Variants in HBS1L observed in about 807,000 individuals in gnomAD.
HBS1L encodes HBS1-like protein.
In HBS1L, 55 loss-of-function variants were observed where a neutral mutation model predicts 88.9. The ratio of observed to expected loss-of-function variants is 0.62; its 90% CI spans 0.50 to 0.77. The LOEUF is 0.77. HBS1L is among the 30% of genes least tolerant of loss of function. The pLI, the probability that HBS1L is intolerant of heterozygous loss-of-function variation, is 0.00. For missense variants in HBS1L, 741 were observed against 829.3 expected, an observed-to-expected ratio of 0.89 and a Z score of 1.31; for synonymous variants, 267 against 288.5, an observed-to-expected ratio of 0.93 and a Z score of 0.76.
At chr6:134,969,415 T>G (rs1774417881) in intron 15 of HBS1L, 77 bp from the exon 16 acceptor site, 1 of 858,802 alleles carries the variant, frequency 1.2e-6, no homozygotes, top group Non-Finnish European at 2.0e-6. Flanking sequence ...TTATACTTAA[T>G]TATCTTCAAT....
At chr6:134,975,158 A>T (rs949830747) in intron 15 of HBS1L, among the ~76,000 whole-genome samples, 1 of 152,268 alleles carries the variant, frequency 6.6e-6, no homozygotes, top group East Asian at 1.9e-4. Context: ...CCCTTTTACA[A>T]TAGCTACAAA....
At position 134,993,771 on chromosome 6, in the gene HBS1L, G is replaced by A. The variant is rs371020051; in HGVS notation, c.1070C>T (p.Thr357Ile). Reference protein sequence around the residue: ...GHKDFIPNMITGAAQADVAVL... With the variant: ...GHKDFIPNMIIGAAQADVAVL... ...AACAGCAGTTACCTGGGCTGCTCCT[G>A]TAATCATATTTGGAATGAAGTCCTT... The change falls in exon 8 of 18, where the codon ACA becomes ATA. Residue 357 changes from threonine (T) to isoleucine (I), a missense_variant. By Grantham distance (89) the Thr-to-Ile change is moderately conservative (BLOSUM62 -1). Around this residue, in one of 3 missense-constraint regions of HBS1L, gnomAD observed 556 missense variants for 598.4 expected, o/e 0.93. Coordinates refer to ENST00000367837, the MANE Select transcript of HBS1L (RefSeq NM_006620.4). 8.3e-6 allele frequency: 13 copies of A among 1,566,198 alleles called. No individual in the cohort carries two copies. The African/African-American group carries it at 1.5e-4, about 18-fold the overall frequency.
rs575740077 is a variant in HBS1L at position 135,014,885 on chromosome 6, A to G, written c.431-12043T>C. ...AAAAAAAAAAAAAAACCACAAAAAA[A>G]TTAGCTGGGCATAGTGGTACACGCC... On this transcript the variant is annotated intron_variant, in intron 4 of 17. Transcript: ENST00000367837. 8.6e-5 allele frequency among the ~76,000 whole-genome samples: 13 copies of G among 151,048 alleles called. No individual in the cohort carries two copies. The South Asian group carries it at 2.7e-3, about 32-fold the overall frequency.
At chr6:134,975,612 C>T (rs1041973339) in intron 15 of HBS1L, among the ~76,000 whole-genome samples, 38 of 152,234 alleles carry the variant, frequency 2.5e-4, no homozygotes, top group Admixed American at 2.0e-3. Flanking sequence ...AAATACTTAA[C>T]AACCAACTAA....
At chr6:134,997,031 T>C (rs1353065903) in intron 6 of HBS1L, 89 bp from the exon 7 acceptor site, 9 of 978,768 alleles carry the variant, frequency 9.2e-6, no homozygotes, top group Middle Eastern at 2.2e-4. Context: ...CAATATTTCA[T>C]GTCAGTGGTT....
Position 135,002,831 on chromosome 6 carries a change from C to T in HBS1L, c.442G>A (p.Asp148Asn), listed in dbSNP as rs1186527002. Residue 148 changes from aspartate (D) to asparagine (N), a missense_variant, in exon 5 of 18, where the codon GAT (aspartate) becomes AAT (asparagine). By Grantham distance (23) the Asp-to-Asn change is conservative. Transcript: ENST00000367837. ...TGKIAKGKPV[D>N]SQTSRSESEI... is the part of the protein sequence containing the mutation. ...GATTCACTTCGCGATGTCTGGGAAT[C>T]TACTGGTTTTCCTAGTTAAGGAGTA... is the stretch of plus-strand genomic sequence containing the variant. 6.2e-7 allele frequency: 1 copy of T among 1,611,532 alleles called. No individual in the cohort carries two copies. The highest frequency in any genetic ancestry group is 8.5e-7 in the Non-Finnish European group (1 of 1,178,130).
intron 16 of HBS1L, among the ~76,000 whole-genome samples, chr6:134,967,059 A>G (rs1309067647): frequency 6.6e-6 from 1 of 152,326 alleles, no homozygotes; most frequent in African/African-American, 2.4e-5. Flanking sequence ...CAAAAATCAC[A>G]TAAGTAGCTT....
intron 5 of HBS1L, 170 bp downstream of exon 5, chr6:135,002,564 C>A (rs1165554668): frequency 6.4e-6 from 3 of 469,922 alleles, no homozygotes; most frequent in Admixed American, 3.4e-5. Flanking sequence ...CAGAATCAAG[C>A]CTAATTTCTC....
chr6:135,019,671 C>T (rs890376407), intron 4 of HBS1L, among the ~76,000 whole-genome samples: 12 of 151,650 alleles, frequency 7.9e-5, no homozygotes, highest in African/African-American at 2.9e-4. Context: ...AGAGGTTACT[C>T]CATTTGAATA....
chr6:134,977,098 T>TC (rs1193069543), intron 15 of HBS1L, among the ~76,000 whole-genome samples: 1 of 151,996 alleles, frequency 6.6e-6, no homozygotes, highest in Non-Finnish European at 1.5e-5. Context: ...TTCAAGTTTT[T>TC]CTCCCATAGG....
In HBS1L at chr6:134,966,481, G is replaced by GA. The variant is rs755819409; in HGVS notation, c.1899-9dup. 1,815 of 1,503,708 alleles carry GA rather than the reference G, an allele frequency of 1.2e-3. No individual in the cohort carries two copies. The highest frequency in any genetic ancestry group is 2.3e-3 in the South Asian group (174 of 76,050). 93.1% of individuals were successfully genotyped at this position (1,503,708 alleles called of 1,614,324 possible). ...TGGCCTTTAGTCAAAAACCTATTAA[G>GA]AAAAAAAAAGAACAAATGAATATAT... is the stretch of plus-strand genomic sequence containing the variant. On this transcript the variant is annotated splice_polypyrimidine_tract_variant and intron_variant, in intron 16 of 17. Coordinates refer to ENST00000367837, the MANE Select transcript of HBS1L (RefSeq NM_006620.4).
At chr6:135,042,189 A>G (rs574879301) in intron 2 of HBS1L, 63 bp from the exon 3 acceptor site, 16 of 1,453,942 alleles carry the variant, frequency 1.1e-5, no homozygotes, top group Non-Finnish European at 1.5e-5. Context: ...TTTTTTTTAC[A>G]AAAGTTAAAG....
At chr6:135,035,512 G>A (rs374739955) in intron 4 of HBS1L, among the ~76,000 whole-genome samples, 5 of 151,212 alleles carry the variant, frequency 3.3e-5, no homozygotes, top group South Asian at 4.2e-4. Flanking sequence ...AGGCCAAGGC[G>A]GGCGGATCAT....
chr6:135,001,852 C>T (rs1775467960), intron 5 of HBS1L, among the ~76,000 whole-genome samples: 1 of 150,048 alleles, frequency 6.7e-6, no homozygotes, highest in South Asian at 2.1e-4. Flanking sequence ...CATAATACCT[C>T]ACTAGTTTAG....
chr6:135,015,543 C>A (rs930948834), intron 4 of HBS1L, among the ~76,000 whole-genome samples: 2 of 152,212 alleles, frequency 1.3e-5, no homozygotes, highest in Admixed American at 6.5e-5. Context: ...AAACTGCCAA[C>A]AAAGTGCCTC....
intron 4 of HBS1L, chr6:135,027,095 G>A (rs1002079952): frequency 1.3e-5 from 2 of 149,090 alleles, no homozygotes; most frequent in Non-Finnish European, 3.0e-5. Flanking sequence ...GGGAGACTGA[G>A]GCCGGAGAAC....
At chr6:135,045,107 C>T (rs1015643213) in intron 2 of HBS1L, among the ~76,000 whole-genome samples, 1 of 144,806 alleles carries the variant, frequency 6.9e-6, no homozygotes, top group African/African-American at 2.5e-5. Context: ...AGTATTGGGT[C>T]GCTGCAAAAG....
intron 8 of HBS1L, among the ~76,000 whole-genome samples, chr6:134,989,183 C>A (rs981674541): frequency 1.3e-5 from 2 of 152,184 alleles, no homozygotes; most frequent in Non-Finnish European, 2.9e-5. Flanking sequence ...ACAGTTTGTG[C>A]AACCATAGAA....
chr6:135,003,208 T>G (rs545460924), intron 4 of HBS1L, among the ~76,000 whole-genome samples: 1 of 152,300 alleles, frequency 6.6e-6, no homozygotes, highest in South Asian at 2.1e-4. Flanking sequence ...TTCACAATAC[T>G]AAAATTGTTT....
Sources: allele counts gnomAD v4.1 joint callset (sites outside exome capture counted in the v4.1 genomes callset), GRCh38; gene constraint gnomAD v4.1.1; regional missense constraint gnomAD v4.1.1; transcripts MANE v1.5; gene names NCBI Gene and HGNC (gene_info 2026-07-23, HGNC 2026-07-21).